Variants in ACOT7 observed in about 807,000 individuals in gnomAD.
ACOT7 encodes cytosolic acyl coenzyme A thioester hydrolase.
A neutral mutation model predicts 40.2 loss-of-function variants in ACOT7; 12 were observed. The ratio of observed to expected loss-of-function variants is 0.30; its 90% CI spans 0.19 to 0.48. The LOEUF is 0.48. Ranked by LOEUF, ACOT7 falls within the 20% of genes least tolerant of loss-of-function variation. ACOT7 has a pLI of 0.99. For missense variants in ACOT7, 395 were observed against 530.8 expected, an observed-to-expected ratio of 0.74 and a Z score of 2.51; for synonymous variants, 228 against 219.5, an observed-to-expected ratio of 1.04 and a Z score of -0.34.
chr1:6,288,928 C>T lies in ACOT7; in HGVS notation c.829+5936G>A, dbSNP rs1332830117. 1.3e-5 allele frequency among the ~76,000 whole-genome samples: 2 copies of T among 152,246 alleles called. No individual in the cohort carries two copies. Among genetic ancestry groups the T allele is most frequent in the East Asian group, 1.9e-4 (1 of 5,192 alleles). The stretch of plus-strand genomic sequence containing the variant: ...ACCCCACCCAAGCGAGGGCAAGCCA[C>T]AGCCACAGGGCCTGGCACTTGGTCA... On this transcript the variant is annotated intron_variant, in intron 7 of 8. Transcript: ENST00000361521. This position sits in a 1 kb window ranked among gnomAD's most constrained non-coding sequence, Gnocchi z 4.3.
chr1:6,357,097 C>G (rs1641766609), intron 1 of ACOT7, among the ~76,000 whole-genome samples: 1 of 151,780 alleles, frequency 6.6e-6, no homozygotes. Flanking sequence ...ATTAGCCAAC[C>G]ATGGTGGCAC....
At chr1:6,371,452 T>G (rs1313091485) in intron 1 of ACOT7, among the ~76,000 whole-genome samples, 1 of 151,140 alleles carries the variant, frequency 6.6e-6, no homozygotes, top group Admixed American at 6.6e-5. Context: ...AACCTCTACT[T>G]CCTGGGCTCA....
At chr1:6,360,571 GT>G in intron 1 of ACOT7, 8 of 1,614,162 alleles carry the variant, frequency 5.0e-6, no homozygotes, top group Non-Finnish European at 6.8e-6. Context: ...CCAACTCACT[GT>G]TTGGCCTTCT....
At chr1:6,268,522 G>A (rs140973745) in intron 8 of ACOT7, among the ~76,000 whole-genome samples, 3 of 152,324 alleles carry the variant, frequency 2.0e-5, no homozygotes, top group East Asian at 1.9e-4. Context: ...CTTTACAAGC[G>A]GTGGGCTGCG....
intron 1 of ACOT7, among the ~76,000 whole-genome samples, chr1:6,356,247 C>G (rs1641741175): frequency 6.6e-6 from 1 of 152,098 alleles, no homozygotes; most frequent in South Asian, 2.1e-4. Context: ...CATGGCCCTG[C>G]CCACCGCTGG....
chr1:6,305,971 G>A (rs1640140132), intron 6 of ACOT7, among the ~76,000 whole-genome samples: 1 of 152,056 alleles, frequency 6.6e-6, no homozygotes, highest in African/African-American at 2.4e-5. Context: ...CGGATCACTC[G>A]CGGTTAGGAG....
Position 6,391,211 on chromosome 1 carries a change from T to C in ACOT7, c.143+2046A>G, listed in dbSNP as rs577993517. 5.2e-5 allele frequency among the ~76,000 whole-genome samples: 7 copies of C among 134,756 alleles called. No homozygotes were observed. The East Asian group carries it at 1.5e-3, about 30-fold the overall frequency. 88.4% of individuals were successfully genotyped at this position (134,756 alleles called of 152,430 possible). On this transcript the variant is annotated intron_variant, in intron 1 of 8. Coordinates refer to ENST00000361521, the MANE Select transcript of ACOT7 (RefSeq NM_007274.4). ...CTCAGGAGGCTGAGGCACAAGAACT[T>C]TTTCCAGCTGGGTGCGGTGGTTCAC...
chr1:6,380,624 G>A (rs1243168878), intron 1 of ACOT7, among the ~76,000 whole-genome samples: 1 of 149,832 alleles, frequency 6.7e-6, no homozygotes, highest in African/African-American at 2.4e-5. Context: ...CCTCTCAATG[G>A]GGAAAGACAA....
intron 7 of ACOT7, among the ~76,000 whole-genome samples, chr1:6,286,999 G>T (rs553522621): frequency 6.6e-6 from 1 of 152,332 alleles, no homozygotes; most frequent in South Asian, 2.1e-4. Flanking sequence ...TGTTAGCCAG[G>T]ATGGTCTCGA....
intron 1 of ACOT7, 118 bp downstream of exon 1, chr1:6,393,139 G>A (rs1230538556): frequency 8.1e-6 from 9 of 1,104,822 alleles, no homozygotes; most frequent in Non-Finnish European, 1.0e-5. Flanking sequence ...AGGCCGTGCG[G>A]GGAATCGGCG....
chr1:6,349,160 A>G (rs1641517634), intron 2 of ACOT7, among the ~76,000 whole-genome samples: 1 of 152,196 alleles, frequency 6.6e-6, no homozygotes, highest in African/African-American at 2.4e-5. Context: ...GGTTGACACT[A>G]GACACCGTGC....
At chr1:6,303,456 A>G (rs1303334980) in intron 6 of ACOT7, among the ~76,000 whole-genome samples, 1 of 152,122 alleles carries the variant, frequency 6.6e-6, no homozygotes, top group Non-Finnish European at 1.5e-5. Flanking sequence ...TGATCTGTCA[A>G]CTGGCTTAAA....
rs531255125 is a variant in ACOT7 at position 6,305,324 on chromosome 1, C to T, written c.713-10344G>A. Among the ~76,000 whole-genome samples the T allele has an allele frequency of 6.1e-5, 8 of 131,954 alleles. 1 individual carries two copies. The South Asian group carries it at 9.7e-4, about 16-fold the overall frequency. 86.6% of individuals were successfully genotyped at this position (131,954 alleles called of 152,430 possible). A position where few individuals can be genotyped will look rare whatever the true frequency, so the allele number is the denominator to read the frequency against. On this transcript the variant is annotated intron_variant, in intron 6 of 8. Coordinates refer to ENST00000361521, the MANE Select transcript of ACOT7 (RefSeq NM_007274.4). ...CTCCTCACTTCCCAGTAGGGGCGGC[C>T]GGGCAGAGGCGCCCCTCACCTCCCG...
rs1013189195 is a variant in ACOT7, at chr1:6,338,853, G to A, written c.418+580C>T. On this transcript the variant is annotated intron_variant, in intron 3 of 8. Transcript: ENST00000361521. This position sits in a 1 kb window ranked among gnomAD's most constrained non-coding sequence, Gnocchi z 4.4. ...GGTATAAAAAGAAGCGTGAGCTGGT[G>A]AACACTGGAGCCGCCCCCTCCTGCA... is the stretch of plus-strand genomic sequence containing the variant. Among the ~76,000 whole-genome samples, 25 of 152,186 alleles carry A rather than the reference G, an allele frequency of 1.6e-4. No individual in the cohort carries two copies. The highest frequency in any genetic ancestry group is 6.0e-4 in the African/African-American group (25 of 41,440).
rs1354938013 is a variant in ACOT7, at chr1:6,299,178, C to G, written c.713-4198G>C. Reference sequence around the variant, plus strand: ...CCTGAGCCGTGGGCTCAGTGTCTGTCAGGCAGAGGAGGTGACGGCGCCCAC... The same window carrying G: ...CCTGAGCCGTGGGCTCAGTGTCTGTGAGGCAGAGGAGGTGACGGCGCCCAC... On this transcript the variant is annotated intron_variant, in intron 6 of 8. Transcript: ENST00000361521. The surrounding 1 kb of genome is among the most constrained non-coding windows in gnomAD (Gnocchi z 4.1). Among the ~76,000 whole-genome samples the G allele has an allele frequency of 1.3e-5, 2 of 152,238 alleles. No individual in the cohort carries two copies. The highest frequency in any genetic ancestry group is 6.5e-5 in the Admixed American group (1 of 15,286).
At chr1:6,324,886 T>C (rs1207315951) in intron 5 of ACOT7, among the ~76,000 whole-genome samples, 2 of 152,196 alleles carry the variant, frequency 1.3e-5, no homozygotes, top group Non-Finnish European at 2.9e-5. Flanking sequence ...GGGATTTGAA[T>C]GTGGACATAT....
Position 6,306,062 on chromosome 1 carries a change from G to A in ACOT7, c.713-11082C>T, listed in dbSNP as rs1056206261. On this transcript the variant is annotated intron_variant, in intron 6 of 8. Coordinates refer to ENST00000361521, the MANE Select transcript of ACOT7 (RefSeq NM_007274.4). The surrounding 1 kb of genome is among the most constrained non-coding windows in gnomAD (Gnocchi z 4.3). Reference sequence around the variant, plus strand: ...AAACCAGTCAGGCGTGGCGGCGCGCGCCTGCAATCGCAGGCACTCGGCAGG... The same window carrying A: ...AAACCAGTCAGGCGTGGCGGCGCGCACCTGCAATCGCAGGCACTCGGCAGG... Among the ~76,000 whole-genome samples, 7 of 152,064 alleles carry A rather than the reference G, an allele frequency of 4.6e-5. No homozygotes were observed. The highest frequency in any genetic ancestry group is 1.2e-4 in the African/African-American group (5 of 41,414).
intron 2 of ACOT7, among the ~76,000 whole-genome samples, chr1:6,339,953 GT>G (rs577100436): frequency 7.1e-6 from 1 of 141,776 alleles, no homozygotes; most frequent in Non-Finnish European, 1.5e-5. Context: ...CTAATTTTTT[GT>G]TTTTTTGTTT....
At chr1:6,344,087 C>T (rs1227362862) in intron 2 of ACOT7, among the ~76,000 whole-genome samples, 3 of 152,094 alleles carry the variant, frequency 2.0e-5, no homozygotes. Context: ...GTAGGGGGAG[C>T]GTTGGTACCA....
Sources: gnomAD v4.1 joint callset for allele counts (sites outside exome capture counted in the v4.1 genomes callset) on GRCh38, gnomAD v4.1.1 for gene constraint, Gnocchi (gnomAD v3.1) non-coding constraint, MANE v1.5 for transcripts, NCBI Gene and HGNC (gene_info 2026-07-23, HGNC 2026-07-21) for gene names.